Variants in TGDS observed in about 807,000 individuals in gnomAD.
The protein encoded by TGDS is UDP-D-glucose 4,6-dehydratase.
TGDS carries 47 observed loss-of-function variants against 52.3 expected under a neutral mutation model. That is an observed-to-expected ratio of 0.90 (90% CI 0.71 to 1.15). The LOEUF (loss-of-function observed/expected upper bound fraction) is 1.15, where lower values mean the gene tolerates loss of function less well. Ranked by LOEUF, TGDS falls within the 50% of genes most tolerant of loss-of-function variation. TGDS has a pLI of 0.00. For synonymous variants in TGDS, 115 were observed against 136.9 expected (o/e 0.84, Z 1.12); for missense variants, 375 against 418.4 (o/e 0.90, Z 0.90).
Position 94,574,766 on chromosome 13 carries a change from A to G in TGDS, c.*16T>C. 2.6e-6 allele frequency: 4 copies of G among 1,542,776 alleles called. No individual in the cohort carries two copies. Among genetic ancestry groups the G allele is most frequent in the Non-Finnish European group, 3.6e-6 (4 of 1,125,156 alleles). On this transcript the variant is annotated 3_prime_UTR_variant, in exon 12 of 12. Transcript: ENST00000261296. Reference sequence around the variant, plus strand: ...ACTTTCTTCTTTGACAACTGTCTCGACTATATAAATGGTGATTATACCGGA... The same window carrying G: ...ACTTTCTTCTTTGACAACTGTCTCGGCTATATAAATGGTGATTATACCGGA...
intron 4 of TGDS, among the ~76,000 whole-genome samples, 172 bp downstream of exon 4, chr13:94,590,681 C>T (rs1889164922): frequency 6.6e-6 from 1 of 152,114 alleles, no homozygotes; most frequent in Admixed American, 6.6e-5. Flanking sequence ...CTAATATAGC[C>T]TTGCAATGCT....
At chr13:94,594,228 A>G (rs542057792) in intron 1 of TGDS, among the ~76,000 whole-genome samples, 14 of 152,380 alleles carry the variant, frequency 9.2e-5, no homozygotes, top group Admixed American at 9.1e-4. Context: ...AAAGTGGAAC[A>G]ATAAATGGGA....
At chr13:94,587,768 C>A (rs1308491575) in intron 4 of TGDS, among the ~76,000 whole-genome samples, 1 of 150,908 alleles carries the variant, frequency 6.6e-6, no homozygotes, top group Non-Finnish European at 1.5e-5. Flanking sequence ...GAGGCTGAGG[C>A]GGGTGGATCA....
At chr13:94,584,847 A>G (rs952098742) in intron 4 of TGDS, among the ~76,000 whole-genome samples, 23 of 152,260 alleles carry the variant, frequency 1.5e-4, no homozygotes, top group African/African-American at 4.8e-4. Flanking sequence ...TTGAACATAA[A>G]TAAGAAAAAT....
In TGDS at chr13:94,587,998, CAAA is replaced by C. The variant is rs71111537; in HGVS notation, c.313+2852_313+2854del. On this transcript the variant is annotated intron_variant, in intron 4 of 11. Coordinates refer to ENST00000261296, the MANE Select transcript of TGDS (RefSeq NM_014305.4). ...GGTGACAGAGCAAGACACTCCATCT[CAAA>C]AAAAAAAAAAAAAAAAAGAGACAGA... Among the ~76,000 whole-genome samples, 456 of 86,352 alleles carry C rather than the reference CAAA, an allele frequency of 5.3e-3. 5 individuals are homozygous for C. In the Middle Eastern group the frequency reaches 0.066, roughly 12 times the overall value. 56.7% of individuals were successfully genotyped at this position (86,352 alleles called of 152,430 possible).
intron 1 of TGDS, 135 bp downstream of exon 1, chr13:94,595,916 G>A (rs1427972870): frequency 8.6e-6 from 8 of 931,028 alleles, no homozygotes; most frequent in African/African-American, 6.6e-5. Flanking sequence ...GGTCCAGGTC[G>A]TGCATTAGGA....
intron 6 of TGDS, among the ~76,000 whole-genome samples, chr13:94,580,297 T>C (rs992358355): frequency 2.8e-4 from 42 of 152,344 alleles, no homozygotes; most frequent in African/African-American, 9.9e-4. Context: ...AAGTTGGCTC[T>C]CTTCATTGTA....
chr13:94,585,549 G>A (rs1396528730), intron 4 of TGDS, among the ~76,000 whole-genome samples: 1 of 152,024 alleles, frequency 6.6e-6, no homozygotes, highest in East Asian at 1.9e-4. Flanking sequence ...CGTAATCCCA[G>A]CACTTTGGGA....
rs753562180 is a variant in TGDS at position 94,574,487 on chromosome 13, G to C, written c.*295C>G. On this transcript the variant is annotated 3_prime_UTR_variant, in exon 12 of 12. Transcript: ENST00000261296. ...CTCCCTAGCACCACTACCCCTCATG[G>C]TTGTCCGAATCAGGAGACTTCTTCC... The C allele has an allele frequency of 3.8e-6, 1 of 262,804 alleles. No individual in the cohort carries two copies. The highest frequency in any genetic ancestry group is 7.1e-6 in the Non-Finnish European group (1 of 140,068). 16.3% of individuals were successfully genotyped at this position (262,804 alleles called of 1,614,324 possible). A position where few individuals can be genotyped will look rare whatever the true frequency, so the allele number is the denominator to read the frequency against.
chr13:94,583,664 C>T (rs1289198214), intron 4 of TGDS, among the ~76,000 whole-genome samples: 6 of 151,930 alleles, frequency 3.9e-5, no homozygotes, highest in Admixed American at 6.6e-5. Flanking sequence ...AACCAGGAAA[C>T]GGAAGGAACT....
intron 4 of TGDS, among the ~76,000 whole-genome samples, chr13:94,587,833 T>C (rs1383809764): frequency 2.0e-5 from 3 of 150,488 alleles, no homozygotes; most frequent in Non-Finnish European, 4.4e-5. Context: ...CCGTCTCTAT[T>C]AAAAATACAA....
At chr13:94,577,244 GA>G (rs1888634425) in intron 10 of TGDS, 126 bp downstream of exon 10, 5 of 666,474 alleles carry the variant, frequency 7.5e-6, no homozygotes, top group African/African-American at 1.9e-5. Context: ...TTACGATTAT[GA>G]AAAAAATGTT....
intron 2 of TGDS, among the ~76,000 whole-genome samples, chr13:94,593,211 G>A (rs1277857344): frequency 6.6e-6 from 1 of 152,088 alleles, no homozygotes; most frequent in Non-Finnish European, 1.5e-5. Flanking sequence ...GGCTAGAAAA[G>A]TTTACCATTT....
chr13:94,578,173 A>G lies in TGDS; in HGVS notation c.660-3T>C, dbSNP rs746512707. 1 of 1,613,004 alleles carries G rather than the reference A, an allele frequency of 6.2e-7. No individual in the cohort carries two copies. Among genetic ancestry groups the G allele is most frequent in the Non-Finnish European group, 8.5e-7 (1 of 1,179,564 alleles). ...GAAGCCCTGACCCATGAATGCAACT[A>G]AAGAGATTAAACGAAGTGAAATCAT... On this transcript the variant is annotated splice_polypyrimidine_tract_variant and splice_region_variant and intron_variant, in intron 8 of 11. Transcript: ENST00000261296.
intron 4 of TGDS, among the ~76,000 whole-genome samples, chr13:94,587,111 T>C (rs1889018101): frequency 6.6e-6 from 1 of 152,108 alleles, no homozygotes. Flanking sequence ...TATGAAAACC[T>C]GTAGGATTCA....
At chr13:94,587,351 CAATGTCA>C (rs890197507) in intron 4 of TGDS, among the ~76,000 whole-genome samples, 27 of 152,058 alleles carry the variant, frequency 1.8e-4, no homozygotes, top group African/African-American at 6.0e-4. Context: ...TTTGGAACAA[CAATGTCA>C]AATGTCAAAT....
intron 9 of TGDS, 109 bp from the exon 10 acceptor site, chr13:94,577,538 G>T: frequency 2.5e-6 from 2 of 803,960 alleles, no homozygotes; most frequent in Non-Finnish European, 3.7e-6. Flanking sequence ...TAGCAGGGAA[G>T]ACAGCTAAAA....
intron 7 of TGDS, 130 bp from the exon 8 acceptor site, chr13:94,578,903 A>C: frequency 9.4e-6 from 5 of 530,406 alleles, no homozygotes; most frequent in Middle Eastern, 1.1e-3. Flanking sequence ...TTATCAGTTT[A>C]TTAAAAAACC....
chr13:94,593,657 C>A (rs1018047748), intron 2 of TGDS, among the ~76,000 whole-genome samples, 184 bp downstream of exon 2: 1 of 152,102 alleles, frequency 6.6e-6, no homozygotes, highest in South Asian at 2.1e-4. Flanking sequence ...ATAAGAAATG[C>A]AGGTTTCAAA....
Sources: gnomAD v4.1 joint callset for allele counts (sites outside exome capture counted in the v4.1 genomes callset) on GRCh38, gnomAD v4.1.1 for gene constraint, MANE v1.5 for transcripts, NCBI Gene and HGNC (gene_info 2026-07-23, HGNC 2026-07-21) for gene names.